PCDHA13: variants seen among roughly 807,000 people sequenced by gnomAD.
PCDHA13 encodes protocadherin alpha-13.
A neutral mutation model predicts 64.8 loss-of-function variants in PCDHA13; 54 were observed. The observed-to-expected ratio is 0.83, with a 90% CI of 0.67 to 1.04. PCDHA13 has a LOEUF of 1.04. Among genes scored for constraint, PCDHA13 ranks in the 50% least tolerant of loss-of-function variants. The pLI is 0.00. For synonymous variants in PCDHA13, 587 were observed against 564.4 expected (o/e 1.04, Z -0.57); for missense variants, 1,248 against 1,254.3 (o/e 0.99, Z 0.08).
intron 1 of PCDHA13, among the ~76,000 whole-genome samples, chr5:140,888,190 A>G (rs2153423083): frequency 6.6e-6 from 1 of 152,280 alleles, no homozygotes; most frequent in East Asian, 1.9e-4. Flanking sequence ...TGTGAATTTT[A>G]CATTGTCGGA....
intron 3 of PCDHA13, among the ~76,000 whole-genome samples, chr5:140,991,953 G>A (rs545142966): frequency 3.9e-5 from 6 of 152,110 alleles, no homozygotes; most frequent in Non-Finnish European, 8.8e-5. Context: ...TTAGAATGCA[G>A]TCATTTTGGT....
At chr5:140,918,051 A>C (rs782531005) in intron 1 of PCDHA13, among the ~76,000 whole-genome samples, 4 of 151,984 alleles carry the variant, frequency 2.6e-5, no homozygotes, top group Admixed American at 2.0e-4. Flanking sequence ...CATTTGTTTT[A>C]TCATCTCTGA....
chr5:140,956,979 A>C (rs2153711830), intron 1 of PCDHA13, among the ~76,000 whole-genome samples: 1 of 152,346 alleles, frequency 6.6e-6, no homozygotes, highest in South Asian at 2.1e-4. Context: ...AATTTAAGTA[A>C]AATAAATTCA....
At chr5:140,951,170 A>G (rs62384503) in intron 1 of PCDHA13, among the ~76,000 whole-genome samples, 5,911 of 151,952 alleles carry the variant, frequency 0.039, 176 homozygotes, top group Non-Finnish European at 0.057. Flanking sequence ...TAGCTACTTT[A>G]AAGTCATTGT....
chr5:141,000,904 T>A lies in PCDHA13; in HGVS notation c.2543-8723T>A, dbSNP rs1398868730. Among the ~76,000 whole-genome samples, 6 of 151,990 alleles carry A rather than the reference T, an allele frequency of 3.9e-5. No individual in the cohort carries two copies. The East Asian group carries it at 1.2e-3, about 29-fold the overall frequency. On this transcript the variant is annotated intron_variant, in intron 3 of 3. Coordinates refer to ENST00000289272, the MANE Select transcript of PCDHA13 (RefSeq NM_018904.3). ...ACCTGGGCAACAGATATAGACGCTGTCTCTAAAAAAAAAAATCCTGTGTGA... is the reference window on the plus strand; with the variant it reads ...ACCTGGGCAACAGATATAGACGCTGACTCTAAAAAAAAAAATCCTGTGTGA...
At chr5:140,890,204 CT>C (rs1256018806) in intron 1 of PCDHA13, among the ~76,000 whole-genome samples, 2 of 151,984 alleles carry the variant, frequency 1.3e-5, no homozygotes, top group African/African-American at 4.8e-5. Context: ...TTTTGTTTTT[CT>C]TTTTTCCCAG....
intron 1 of PCDHA13, chr5:140,967,872 A>G: frequency 1.2e-6 from 2 of 1,614,034 alleles, no homozygotes; most frequent in Non-Finnish European, 1.7e-6. Context: ...GTGCTCACGG[A>G]CCTGTATAGC....
chr5:140,904,714 C>T (rs1306730472), intron 1 of PCDHA13, among the ~76,000 whole-genome samples: 1 of 152,110 alleles, frequency 6.6e-6, no homozygotes, highest in African/African-American at 2.4e-5. Flanking sequence ...TCACCACATT[C>T]TGGCCAACAT....
chr5:140,894,098 T>C (rs1025974161), intron 1 of PCDHA13, among the ~76,000 whole-genome samples: 2 of 152,178 alleles, frequency 1.3e-5, no homozygotes, highest in Non-Finnish European at 2.9e-5. Flanking sequence ...TTCTAGCTCC[T>C]GGTGTTGCAG....
chr5:140,966,529 G>C (rs1382443921), intron 1 of PCDHA13: 5 of 446,974 alleles, frequency 1.1e-5, no homozygotes, highest in Non-Finnish European at 1.9e-5. Flanking sequence ...GCCGAGCCGG[G>C]TTGAGCGACT....
intron 3 of PCDHA13, among the ~76,000 whole-genome samples, chr5:141,005,808 C>T (rs2153985730): frequency 6.6e-6 from 1 of 150,460 alleles, no homozygotes; most frequent in African/African-American, 2.5e-5. Context: ...CTCCAAGGAG[C>T]CAGGTATGGT....
chr5:140,999,673 T>G (rs2097868835), intron 3 of PCDHA13, among the ~76,000 whole-genome samples: 1 of 152,050 alleles, frequency 6.6e-6, no homozygotes, highest in Non-Finnish European at 1.5e-5. Context: ...TGCGGGGGGC[T>G]CACAGAAAGA....
intron 3 of PCDHA13, among the ~76,000 whole-genome samples, chr5:140,985,672 G>A (rs1195009915): frequency 6.6e-6 from 1 of 151,738 alleles, no homozygotes. Flanking sequence ...AGGAAGTGGG[G>A]CCTGCCTTAC....
In PCDHA13 at chr5:141,011,633, G is replaced by A. The variant is rs988824031; in HGVS notation, c.*1696G>A. ...TTATGGTCCAGCCAAGAGCCATCTC[G>A]TGCCAAGACTTCTGCTGGCAAGGGA... is the stretch of plus-strand genomic sequence containing the variant. On this transcript the variant is annotated 3_prime_UTR_variant, in exon 4 of 4. Transcript: ENST00000289272. The A allele has an allele frequency of 6.5e-6, 1 of 153,624 alleles. No homozygotes were observed. Among genetic ancestry groups the A allele is most frequent in the Non-Finnish European group, 1.5e-5 (1 of 68,022 alleles). The allele number at this position is 153,624 out of a possible 1,614,324, so 9.5% of individuals were successfully genotyped here. A position where few individuals can be genotyped will look rare whatever the true frequency, so the allele number is the denominator to read the frequency against.
chr5:140,967,147 C>A (rs782815903), intron 1 of PCDHA13: 7 of 1,611,068 alleles, frequency 4.3e-6, no homozygotes, highest in South Asian at 2.2e-5. Flanking sequence ...TGGCGCACAA[C>A]CCCGTGGCGG....
chr5:140,896,453 C>T (rs782013950), intron 1 of PCDHA13, among the ~76,000 whole-genome samples: 3 of 152,106 alleles, frequency 2.0e-5, no homozygotes, highest in Non-Finnish European at 2.9e-5. Context: ...ACCTCCACCT[C>T]CTGGGTTCAA....
rs868923213 is a variant in PCDHA13 at position 140,920,059 on chromosome 5, G to C, written c.2394+35397G>C. 3.9e-5 allele frequency among the ~76,000 whole-genome samples: 6 copies of C among 152,144 alleles called. No individual in the cohort carries two copies. The South Asian group carries it at 6.2e-4, about 16-fold the overall frequency. The stretch of plus-strand genomic sequence containing the variant: ...GTGATGTCAACAGCCACCAACACCT[G>C]GAAAAGGCAGAAACAGATTCTCCGT... On this transcript the variant is annotated intron_variant, in intron 1 of 3. Transcript: ENST00000289272.
intron 1 of PCDHA13, among the ~76,000 whole-genome samples, chr5:140,891,446 G>T (rs1554184841): frequency 1.0e-4 from 15 of 149,150 alleles, no homozygotes. Context: ...CATTGTATAG[G>T]ATTTTTGAAT....
chr5:140,987,789 G>T (rs1356794638), intron 3 of PCDHA13, among the ~76,000 whole-genome samples: 2 of 152,136 alleles, frequency 1.3e-5, no homozygotes, highest in African/African-American at 4.8e-5. Context: ...CTATAGAGAA[G>T]ATTTTTTTAA....
Sources: gnomAD v4.1 joint callset for allele counts (sites outside exome capture counted in the v4.1 genomes callset) on GRCh38, gnomAD v4.1.1 for gene constraint, MANE v1.5 for transcripts, NCBI Gene and HGNC (gene_info 2026-07-23, HGNC 2026-07-21) for gene names.